The following RTN2 variants were observed in gnomAD, a reference collection of about 807,000 sequenced individuals.
RTN2 encodes reticulon 2, also known as reticulon-2.
In RTN2, 36 loss-of-function variants were observed where a neutral mutation model predicts 63.7. The ratio of observed to expected loss-of-function variants is 0.56; its 90% CI spans 0.43 to 0.75. The LOEUF is 0.75. RTN2 is among the 30% of genes least tolerant of loss of function. The pLI is 0.00. For synonymous variants in RTN2, 312 were observed against 313.0 expected, an observed-to-expected ratio of 1.00 and a Z score of 0.03; for missense variants, 673 against 705.1, an observed-to-expected ratio of 0.95 and a Z score of 0.52.
chr19:45,496,536 C>A (rs775191436), intron 1 of RTN2: 48 of 353,216 alleles, frequency 1.4e-4, no homozygotes, highest in Non-Finnish European at 2.2e-4. Flanking sequence ...CGGGGCCGGG[C>A]GGTACGTCCC....
chr19:45,491,834 T>C lies in RTN2; in HGVS notation c.1033+1326A>G, dbSNP rs563195622. 1.3e-4 allele frequency among the ~76,000 whole-genome samples: 20 copies of C among 151,096 alleles called. No homozygotes were observed. In the South Asian group the frequency reaches 4.3e-3, roughly 32 times the overall value. ...ATGTTTTGTAGAGATAGGGTCTCGC[T>C]ATGTTGCCCAGGTTGAATTCCTGGC... On this transcript the variant is annotated intron_variant, in intron 5 of 10. Transcript: ENST00000245923.
rs1968100096 is a variant in RTN2, at chr19:45,489,356, T to C, written c.1231A>G (p.Asn411Asp). The C allele has an allele frequency of 2.6e-6, 4 of 1,564,714 alleles. No homozygotes were observed. The highest frequency in any genetic ancestry group is 3.5e-6 in the Non-Finnish European group (4 of 1,154,978). Residue 411 changes from asparagine (N) to aspartate (D), a missense_variant, in exon 6 of 11, where the codon AAC becomes GAC. Transcript: ENST00000245923. ...GCCGGGGGTTCTCACTGGAAAGGGT[T>C]GGCTCCATCCCCCCGGTGCACGGCC... ...LQAVHRGDGA[N>D]PFQAYLDVDL...
chr19:45,489,065 A>T, intron 6 of RTN2, 79 bp from the exon 7 acceptor site: 1 of 1,502,146 alleles, frequency 6.7e-7, no homozygotes, highest in Non-Finnish European at 9.1e-7. Flanking sequence ...AACAAGGGAG[A>T]GGAATGGCGG....
At position 45,488,933 on chromosome 19, in the gene RTN2, G is replaced by C; in HGVS notation, c.1295C>G (p.Ser432Cys). 6.2e-7 allele frequency: 1 copy of C among 1,611,206 alleles called. No individual in the cohort carries two copies. Among genetic ancestry groups the C allele is most frequent in the Non-Finnish European group, 8.5e-7 (1 of 1,178,938 alleles). The change falls in exon 7 of 11, where the codon TCC becomes TGC. Residue 432 changes from serine to cysteine, a missense_variant. Transcript: ENST00000245923. ...TLTREQTERLSHQITSRVVSA... is the reference protein window; with the variant it reads ...TLTREQTERLCHQITSRVVSA... ...GACCACGCGGGAGGTGATCTGGTGG[G>C]ACAAACGTTCCGTCTGCTCCCGAGT... is the stretch of plus-strand genomic sequence containing the variant.
Position 45,494,972 on chromosome 19 carries a change from T to A in RTN2, c.113A>T (p.His38Leu). The A allele has an allele frequency of 6.2e-7, 1 of 1,613,520 alleles. No homozygotes were observed. Residue 38 changes from histidine (H) to leucine (L), a missense_variant, in exon 3 of 11, where the codon CAC becomes CTC. His to Leu is a moderately conservative substitution (Grantham distance 99, BLOSUM62 -3). Transcript: ENST00000245923. The surrounding 1 kb of genome is among the most constrained non-coding windows in gnomAD (Gnocchi z 5.3). ...CTCCTCTGAGAATTCCCGGGCTGTG[T>A]GCAGCTCTCGAAAATCAGAGTCGTC... ...GNDDSDFRELHTAREFSEEDE... is the reference protein window; with the variant it reads ...GNDDSDFRELLTAREFSEEDE...
At chr19:45,495,213 A>G (rs1968247878) in intron 1 of RTN2, 74 bp from the exon 2 acceptor site, 1 of 1,540,744 alleles carries the variant, frequency 6.5e-7, no homozygotes, top group East Asian at 2.3e-5. Flanking sequence ...CAGTCCTGGA[A>G]TCTTAGAATA....
intron 5 of RTN2, among the ~76,000 whole-genome samples, 133 bp downstream of exon 5, chr19:45,493,007 TCCCTATACTGCCCCTCGGCC>T (rs568123125): frequency 1.3e-5 from 2 of 152,304 alleles, no homozygotes; most frequent in Non-Finnish European, 2.9e-5. Flanking sequence ...CTCTGGGTCC[TCCCTATACTGCCCCTCGGCC>T]CCCTAGCCCC....
At chr19:45,491,421 C>T (rs906570024) in intron 5 of RTN2, among the ~76,000 whole-genome samples, 2 of 150,034 alleles carry the variant, frequency 1.3e-5, no homozygotes, top group Admixed American at 6.7e-5. Context: ...AGTACAGTGG[C>T]ATGATCTCAG....
At chr19:45,487,833 C>T (rs1192074447) in intron 9 of RTN2, among the ~76,000 whole-genome samples, 1 of 149,574 alleles carries the variant, frequency 6.7e-6, no homozygotes, top group South Asian at 2.1e-4. Flanking sequence ...ATCCCAGCTA[C>T]TCGGGAAGCT....
chr19:45,494,886 T>C lies in RTN2; in HGVS notation c.199A>G (p.Ile67Val), dbSNP rs1000458460. 10 of 1,610,600 alleles carry C rather than the reference T, an allele frequency of 6.2e-6. No homozygotes were observed. Among genetic ancestry groups the C allele is most frequent in the Non-Finnish European group, 8.5e-6 (10 of 1,179,980 alleles). ...GTPRELTFSYIAFDGVVGSGG... is the reference protein window; with the variant it reads ...GTPRELTFSYVAFDGVVGSGG... ...GAGCCCACTACACCATCAAAGGCGA[T>C]GTAGGAGAAGGTCAGCTCCCGGGGG... The change falls in exon 3 of 11, where the codon ATC (isoleucine) becomes GTC (valine). Residue 67 changes from isoleucine to valine, a missense_variant. By Grantham distance (29) the Ile-to-Val change is conservative. Transcript: ENST00000245923. This position sits in a 1 kb window ranked among gnomAD's most constrained non-coding sequence, Gnocchi z 5.3.
rs892758649 is a variant in RTN2, at chr19:45,489,589, G to A, written c.1034-36C>T. The stretch of plus-strand genomic sequence containing the variant: ...GTGGGGGGCATCAGGGCTTGTACCT[G>A]ACCTGGCTGGTCTCCTCACCTCCCT... On this transcript the variant is annotated intron_variant, in intron 5 of 10. Transcript: ENST00000245923. 5.3e-6 allele frequency: 8 copies of A among 1,504,338 alleles called. No homozygotes were observed. In the African/African-American group the frequency reaches 1.1e-4, roughly 21 times the overall value. 93.2% of individuals were successfully genotyped at this position (1,504,338 alleles called of 1,614,324 possible).
intron 10 of RTN2, 28 bp from the exon 11 acceptor site, chr19:45,485,817 G>T: frequency 6.3e-7 from 1 of 1,585,524 alleles, no homozygotes; most frequent in Non-Finnish European, 8.7e-7. Context: ...GGGATCACGA[G>T]GTGGGGCAAG....
intron 5 of RTN2, among the ~76,000 whole-genome samples, chr19:45,489,906 C>T (rs748583746): frequency 1.3e-5 from 2 of 152,084 alleles, no homozygotes; most frequent in African/African-American, 2.4e-5. Flanking sequence ...AGGCTAGTCT[C>T]GAACTCCTGG....
chr19:45,485,635 C>G lies in RTN2; in HGVS notation c.*73G>C, dbSNP rs906459972. Reference sequence around the variant, plus strand: ...GGCCGAGGAGGGGGGTGGGTGGGAACGGACAAGAGATGGAGGGGGCCAGAG... The same window carrying G: ...GGCCGAGGAGGGGGGTGGGTGGGAAGGGACAAGAGATGGAGGGGGCCAGAG... On this transcript the variant is annotated 3_prime_UTR_variant, in exon 11 of 11. Transcript: ENST00000245923. The G allele has an allele frequency of 1.6e-6, 2 of 1,255,174 alleles. No homozygotes were observed. Among genetic ancestry groups the G allele is most frequent in the Non-Finnish European group, 2.3e-6 (2 of 866,712 alleles). The allele number at this position is 1,255,174 out of a possible 1,614,324, so 77.8% of individuals were successfully genotyped here.
intron 1 of RTN2, 132 bp downstream of exon 1, chr19:45,496,660 A>G: frequency 1.9e-6 from 1 of 515,406 alleles, no homozygotes; most frequent in Admixed American, 4.5e-5. Flanking sequence ...GGGGGAGGGG[A>G]GAGCTTCCTT....
intron 10 of RTN2, 97 bp from the exon 11 acceptor site, chr19:45,485,886 G>T: frequency 8.1e-7 from 1 of 1,227,602 alleles, no homozygotes; most frequent in Non-Finnish European, 1.2e-6. Flanking sequence ...CTGACCAAGA[G>T]CCCGAAGCCA....
In RTN2 at chr19:45,488,511, A is replaced by G. The variant is rs1010288477; in HGVS notation, c.1457T>C (p.Ile486Thr). Residue 486 changes from isoleucine to threonine, a missense_variant, in exon 9 of 11, where the codon ATT (isoleucine) becomes ACT (threonine). Coordinates refer to ENST00000245923, the MANE Select transcript of RTN2 (RefSeq NM_005619.5). ...CAGCAGGGGGATGGTGAATAGACCAATCACTCCTGTGGGTACAGAGATGGG... is the reference window on the plus strand; with the variant it reads ...CAGCAGGGGGATGGTGAATAGACCAGTCACTCCTGTGGGTACAGAGATGGG... ...NGLTLLILGV[I>T]GLFTIPLLYR... The G allele has an allele frequency of 1.9e-6, 3 of 1,613,930 alleles. No homozygotes were observed. Among genetic ancestry groups the G allele is most frequent in the Non-Finnish European group, 2.5e-6 (3 of 1,180,006 alleles).
chr19:45,494,925 G>A lies in RTN2; in HGVS notation c.160C>T (p.Gln54Ter). ...AGCTCCCGGGGGGTGCCCCAGTCCT[G>A]CGACGTGGTCTCCTCCTCGTCCTCC... is the stretch of plus-strand genomic sequence containing the variant. ...SEEDEEETTS[Q>*]DWGTPRELTF... is the part of the protein sequence containing the mutation. The change falls in exon 3 of 11, where the codon CAG (glutamine) becomes TAG (stop). Residue 54 changes from glutamine (Q) to a stop codon, truncating the protein, a stop_gained. Coordinates refer to ENST00000245923, the MANE Select transcript of RTN2 (RefSeq NM_005619.5). LOFTEE classifies it high-confidence loss of function. This position sits in a 1 kb window ranked among gnomAD's most constrained non-coding sequence, Gnocchi z 5.3. 6.2e-7 allele frequency: 1 copy of A among 1,613,676 alleles called. No individual in the cohort carries two copies.
chr19:45,489,176 G>C, intron 6 of RTN2, 170 bp downstream of exon 6: 1 of 864,490 alleles, frequency 1.2e-6, no homozygotes, highest in Non-Finnish European at 1.8e-6. Flanking sequence ...CGAGGATGAA[G>C]GGTACCAGGT....
Sources: allele counts gnomAD v4.1 joint callset (sites outside exome capture counted in the v4.1 genomes callset), GRCh38; gene constraint gnomAD v4.1.1; non-coding constraint Gnocchi (gnomAD v3.1); transcripts MANE v1.5; gene names NCBI Gene and HGNC (gene_info 2026-07-23, HGNC 2026-07-21).